ZC3HAV1: variants seen among roughly 807,000 people sequenced by gnomAD.
ZC3HAV1 encodes zinc finger CCCH-type containing, antiviral 1, also known as zinc finger CCCH-type antiviral protein 1.
In ZC3HAV1, 41 loss-of-function variants were observed where a neutral mutation model predicts 86.6. The observed-to-expected ratio is 0.47, with a 90% confidence interval of 0.37 to 0.61. The LOEUF (loss-of-function observed/expected upper bound fraction) is 0.61. Ranked by LOEUF, ZC3HAV1 falls within the 20% of genes least tolerant of loss-of-function variation. ZC3HAV1 has a pLI of 0.00. For missense variants in ZC3HAV1, 964 were observed against 1,141.1 expected (o/e 0.84, Z 2.24); for synonymous variants, 421 against 432.1 (o/e 0.97, Z 0.32).
intron 1 of ZC3HAV1, among the ~76,000 whole-genome samples, chr7:139,090,650 A>AT (rs1338557109): frequency 1.3e-5 from 2 of 152,092 alleles, no homozygotes; most frequent in Non-Finnish European, 2.9e-5. Context: ...TTGCACTATT[A>AT]TTTTTTGTTT....
intron 3 of ZC3HAV1, among the ~76,000 whole-genome samples, chr7:139,082,209 C>A (rs1817146155): frequency 6.6e-6 from 1 of 151,816 alleles, no homozygotes; most frequent in African/African-American, 2.4e-5. Context: ...CCGGCCATTG[C>A]AGTGAGCCGA....
At chr7:139,068,557 C>T (rs1816673984) in intron 7 of ZC3HAV1, among the ~76,000 whole-genome samples, 1 of 152,154 alleles carries the variant, frequency 6.6e-6, no homozygotes, top group African/African-American at 2.4e-5. Context: ...CTACAGTGAC[C>T]ATGGAACTGA....
intron 6 of ZC3HAV1, among the ~76,000 whole-genome samples, chr7:139,074,591 G>C (rs573001941): frequency 2.2e-4 from 33 of 151,694 alleles, no homozygotes; most frequent in East Asian, 2.1e-3. Context: ...ACATTAATTT[G>C]CAAAAATATA....
At chr7:139,070,663 CA>C (rs765065216) in intron 7 of ZC3HAV1, among the ~76,000 whole-genome samples, 804 of 54,420 alleles carry the variant, frequency 0.015, 6 homozygotes, top group African/African-American at 0.043. Context: ...GACTCCGTCT[CA>C]AAAAAAAAAA....
At position 139,109,036 on chromosome 7, in the gene ZC3HAV1, G is replaced by A. The variant is rs764924521; in HGVS notation, c.296C>T (p.Ser99Leu). ...CGGGTGCACTCACCGCTCGGACTGC[G>A]AATAGTTGCACCGGCCCAGCAAGTT... The part of the protein sequence containing the change: ...KLNLLGRCNY[S>L]QSERNLCKYS... Residue 99 changes from serine (S) to leucine (L), a missense_variant, in exon 1 of 13, where the codon TCG (serine) becomes TTG (leucine). By Grantham distance (145) the Ser-to-Leu change is moderately radical. Coordinates refer to ENST00000242351, the MANE Select transcript of ZC3HAV1 (RefSeq NM_020119.4). 8 of 1,569,794 alleles carry A rather than the reference G, an allele frequency of 5.1e-6. No individual in the cohort carries two copies. The Admixed American group carries it at 7.2e-5, about 14-fold the overall frequency.
rs970078110 is a variant in ZC3HAV1 at position 139,109,643 on chromosome 7, C to G, written c.-312G>C. The G allele has an allele frequency of 1.7e-5, 5 of 291,062 alleles. No homozygotes were observed. The highest frequency in any genetic ancestry group is 1.5e-4 in the Admixed American group (3 of 19,458). 18.0% of individuals were successfully genotyped at this position (291,062 alleles called of 1,614,324 possible). A position where few individuals can be genotyped will look rare whatever the true frequency, so the allele number is the denominator to read the frequency against. On this transcript the variant is annotated 5_prime_UTR_variant, in exon 1 of 13. Coordinates refer to ENST00000242351, the MANE Select transcript of ZC3HAV1 (RefSeq NM_020119.4). ...GTGACCGCCTGGGGTGGCCCCCTCT[C>G]GGTTCTAGGCTCGGCGAGGGTGAGG...
intron 1 of ZC3HAV1, among the ~76,000 whole-genome samples, chr7:139,100,219 A>G (rs576950452): frequency 1.3e-5 from 2 of 152,258 alleles, no homozygotes; most frequent in East Asian, 1.9e-4. Flanking sequence ...CTAGAGATCC[A>G]GAATATATAA....
At chr7:139,054,447 A>T (rs995938964) in intron 10 of ZC3HAV1, among the ~76,000 whole-genome samples, 9 of 152,252 alleles carry the variant, frequency 5.9e-5, no homozygotes, top group African/African-American at 1.4e-4. Context: ...AGCTGAAGCC[A>T]GCATGGGGAG....
intron 9 of ZC3HAV1, chr7:139,060,199 G>T: frequency 1.0e-6 from 1 of 975,598 alleles, no homozygotes; most frequent in Non-Finnish European, 1.2e-6. Context: ...TATCTTTTTA[G>T]TAACTTCCTT....
At chr7:139,064,839 A>G in intron 8 of ZC3HAV1, 40 bp downstream of exon 8, 4 of 1,613,824 alleles carry the variant, frequency 2.5e-6, no homozygotes, top group Non-Finnish European at 3.4e-6. Context: ...CTGCAGGCGG[A>G]TTTCAATGAC....
Position 139,046,632 on chromosome 7 carries a change from C to T in ZC3HAV1, c.*962G>A, listed in dbSNP as rs1280350132. On this transcript the variant is annotated 3_prime_UTR_variant, in exon 13 of 13. Transcript: ENST00000242351. ...GAGAGTCAACCTGGATGGAGTTTGT[C>T]CCCTAAATAAATGTAGCGATAAAGA... is the stretch of plus-strand genomic sequence containing the variant. 2.0e-5 allele frequency: 3 copies of T among 152,152 alleles called. No individual in the cohort carries two copies. The highest frequency in any genetic ancestry group is 4.4e-5 in the Non-Finnish European group (3 of 68,044). The allele number at this position is 152,152 out of a possible 1,614,324, so 9.4% of individuals were successfully genotyped here.
At chr7:139,096,854 G>A (rs935636448) in intron 1 of ZC3HAV1, among the ~76,000 whole-genome samples, 14 of 152,124 alleles carry the variant, frequency 9.2e-5, no homozygotes, top group Admixed American at 3.3e-4. Context: ...GCAGATCCTG[G>A]GGGCGCAGTG....
At chr7:139,101,087 C>G (rs903301087) in intron 1 of ZC3HAV1, among the ~76,000 whole-genome samples, 1 of 152,200 alleles carries the variant, frequency 6.6e-6, no homozygotes, top group Non-Finnish European at 1.5e-5. Context: ...GCGAGTGATC[C>G]GCCAGCCTCG....
In ZC3HAV1 at chr7:139,047,400, T is replaced by G. The variant is rs1584831671; in HGVS notation, c.*194A>C. 1 of 620,598 alleles carries G rather than the reference T, an allele frequency of 1.6e-6. No individual in the cohort carries two copies. The highest frequency in any genetic ancestry group is 2.7e-6 in the Non-Finnish European group (1 of 373,930). 38.4% of individuals were successfully genotyped at this position (620,598 alleles called of 1,614,324 possible). On this transcript the variant is annotated 3_prime_UTR_variant, in exon 13 of 13. Transcript: ENST00000242351. ...CAGAAATGATTTCATTGGCATGGGG[T>G]GCAACCTGGGCATCAGAATTTGTTT... is the stretch of plus-strand genomic sequence containing the variant.
intron 8 of ZC3HAV1, among the ~76,000 whole-genome samples, chr7:139,063,856 A>C (rs1460446484): frequency 6.6e-6 from 1 of 152,026 alleles, no homozygotes; most frequent in Non-Finnish European, 1.5e-5. Flanking sequence ...TAATACCCTA[A>C]TTTATTTAGT....
Position 139,056,379 on chromosome 7 carries a change from G to GT in ZC3HAV1, c.2097-1085dup, listed in dbSNP as rs56128644. Among the ~76,000 whole-genome samples the GT allele has an allele frequency of 5.5e-3, 711 of 130,372 alleles. 5 individuals are homozygous for GT. The highest frequency in any genetic ancestry group is 0.016 in the African/African-American group (562 of 35,922). 85.5% of individuals were successfully genotyped at this position (130,372 alleles called of 152,430 possible). ...AAATCACCTAGTCGTTGTTTTTATT[G>GT]TTTTTTTTTTTTCCTTTTTCTTTTT... On this transcript the variant is annotated intron_variant, in intron 9 of 12. Coordinates refer to ENST00000242351, the MANE Select transcript of ZC3HAV1 (RefSeq NM_020119.4).
intron 2 of ZC3HAV1, among the ~76,000 whole-genome samples, chr7:139,085,541 C>T (rs994508053): frequency 6.6e-6 from 1 of 152,192 alleles, no homozygotes; most frequent in Non-Finnish European, 1.5e-5. Flanking sequence ...CTTGCAGGTG[C>T]TTTTAAATGT....
Position 139,109,393 on chromosome 7 carries a change from C to G in ZC3HAV1, c.-62G>C. ...ACTCGGTTCCGCGGAAATCGGAAAT[C>G]GAAACTTACAAGTGTCCAGGGGCGG... On this transcript the variant is annotated 5_prime_UTR_variant, in exon 1 of 13. Coordinates refer to ENST00000242351, the MANE Select transcript of ZC3HAV1 (RefSeq NM_020119.4). 1 of 1,472,508 alleles carries G rather than the reference C, an allele frequency of 6.8e-7. No homozygotes were observed. Among genetic ancestry groups the G allele is most frequent in the South Asian group, 1.4e-5 (1 of 72,804 alleles). The allele number at this position is 1,472,508 out of a possible 1,614,324, so 91.2% of individuals were successfully genotyped here. A position where few individuals can be genotyped will look rare whatever the true frequency, so the allele number is the denominator to read the frequency against.
intron 1 of ZC3HAV1, among the ~76,000 whole-genome samples, chr7:139,106,739 A>T (rs1563144306): frequency 6.6e-6 from 1 of 151,920 alleles, no homozygotes; most frequent in Non-Finnish European, 1.5e-5. Flanking sequence ...TAAAATTGTA[A>T]TTTTTTTTAC....
Sources: allele counts gnomAD v4.1 joint callset (sites outside exome capture counted in the v4.1 genomes callset), GRCh38; gene constraint gnomAD v4.1.1; transcripts MANE v1.5; gene names NCBI Gene and HGNC (gene_info 2026-07-23, HGNC 2026-07-21).